MBNL1: variants seen among roughly 807,000 people sequenced by gnomAD.
MBNL1 encodes the protein muscleblind like splicing regulator 1.
A neutral mutation model predicts 42.2 loss-of-function variants in MBNL1; 8 were observed. That is an observed-to-expected ratio of 0.19 (90% CI 0.11 to 0.34). The LOEUF is 0.34. Among genes scored for constraint, MBNL1 ranks in the 10% least tolerant of loss-of-function variants. The probability of loss-of-function intolerance (pLI) is 1.00; values close to 1 mark genes in which losing one functional copy is unlikely to be tolerated. For synonymous variants in MBNL1, 169 were observed against 173.9 expected (o/e 0.97, Z 0.22); for missense variants, 309 against 495.3 (o/e 0.62, Z 3.57).
chr3:152,359,449 T>C (rs747988215), intron 2 of MBNL1, among the ~76,000 whole-genome samples: 5 of 152,246 alleles, frequency 3.3e-5, no homozygotes, highest in East Asian at 1.9e-4. Flanking sequence ...CCTGCTCTTA[T>C]GGGGGTGGGG....
At chr3:152,433,358 C>T (rs1026437201) in intron 4 of MBNL1, among the ~76,000 whole-genome samples, 3 of 152,138 alleles carry the variant, frequency 2.0e-5, no homozygotes, top group Non-Finnish European at 4.4e-5. Flanking sequence ...ATATTAGTGT[C>T]TATAAAACAT....
intron 2 of MBNL1, chr3:152,339,613 A>G (rs924087528): frequency 2.6e-5 from 4 of 151,972 alleles, no homozygotes; most frequent in Non-Finnish European, 4.4e-5. Flanking sequence ...TTTCTTTTCA[A>G]TATTAACTTA....
intron 2 of MBNL1, among the ~76,000 whole-genome samples, chr3:152,394,903 G>GAGTGGAGCGC (rs1339401900): frequency 6.6e-6 from 1 of 152,098 alleles, no homozygotes; most frequent in Non-Finnish European, 1.5e-5. Context: ...TCTATTGCCA[G>GAGTGGAGCGC]AGTGGAGCGC....
intron 2 of MBNL1, among the ~76,000 whole-genome samples, chr3:152,309,491 C>T (rs925329512): frequency 7.2e-5 from 11 of 152,182 alleles, no homozygotes; most frequent in South Asian, 6.2e-4. Flanking sequence ...AGACCTAGTG[C>T]GTAGGCTTCT....
intron 2 of MBNL1, among the ~76,000 whole-genome samples, chr3:152,312,133 A>G (rs1250025489): frequency 6.8e-6 from 1 of 147,900 alleles, no homozygotes; most frequent in African/African-American, 2.5e-5. Context: ...CGGAGCTTGC[A>G]GTGAGCCGAG....
intron 2 of MBNL1, among the ~76,000 whole-genome samples, chr3:152,316,235 A>G (rs1308558277): frequency 1.3e-5 from 2 of 152,220 alleles, no homozygotes; most frequent in South Asian, 2.1e-4. Flanking sequence ...TAAAAAATGC[A>G]CGTTAAACCT....
chr3:152,439,466 G>A (rs892157334), intron 4 of MBNL1, among the ~76,000 whole-genome samples: 1 of 152,160 alleles, frequency 6.6e-6, no homozygotes, highest in Non-Finnish European at 1.5e-5. Flanking sequence ...TGTAGAGGAT[G>A]TTTGGCTACT....
chr3:152,258,429 T>C (rs936405943), intron 2 of MBNL1, among the ~76,000 whole-genome samples: 5 of 152,218 alleles, frequency 3.3e-5, no homozygotes, highest in Admixed American at 2.0e-4. Context: ...GCCAAGGCCA[T>C]GGGAAATTAC....
At chr3:152,430,332 A>G (rs1293009668) in intron 3 of MBNL1, among the ~76,000 whole-genome samples, 3 of 152,240 alleles carry the variant, frequency 2.0e-5, no homozygotes, top group African/African-American at 7.2e-5. Flanking sequence ...GCAATAATAT[A>G]AACATCTCAA....
At chr3:152,276,072 A>C (rs1375919263) in intron 1 of MBNL1, among the ~76,000 whole-genome samples, 1 of 152,224 alleles carries the variant, frequency 6.6e-6, no homozygotes, top group Non-Finnish European at 1.5e-5. Flanking sequence ...GTAGCCGTAA[A>C]GTAATAAGAC....
chr3:152,317,681 A>G (rs905375795), intron 2 of MBNL1, among the ~76,000 whole-genome samples: 5 of 152,084 alleles, frequency 3.3e-5, no homozygotes, highest in African/African-American at 1.2e-4. Context: ...AGTAAGTCTA[A>G]TATCTTCTCT....
intron 2 of MBNL1, among the ~76,000 whole-genome samples, chr3:152,347,266 T>C (rs2094407786): frequency 6.6e-6 from 1 of 151,958 alleles, no homozygotes; most frequent in African/African-American, 2.4e-5. Context: ...TTGTGTTCAT[T>C]AGAGAACCAA....
intron 4 of MBNL1, among the ~76,000 whole-genome samples, chr3:152,440,200 G>A (rs1356914275): frequency 6.6e-6 from 1 of 152,202 alleles, no homozygotes; most frequent in Non-Finnish European, 1.5e-5. Flanking sequence ...CTATGAGGTA[G>A]CTAAAGTAGG....
chr3:152,435,271 T>C (rs904941615), intron 4 of MBNL1, among the ~76,000 whole-genome samples: 2 of 152,208 alleles, frequency 1.3e-5, no homozygotes, highest in South Asian at 2.1e-4. Context: ...TAGCCAGTTA[T>C]CCTAGCACCA....
intron 1 of MBNL1, among the ~76,000 whole-genome samples, chr3:152,278,192 C>A (rs1227831023): frequency 6.6e-6 from 1 of 152,036 alleles, no homozygotes; most frequent in African/African-American, 2.4e-5. Context: ...TTTAACTAGA[C>A]AAATTTATTC....
intron 3 of MBNL1, among the ~76,000 whole-genome samples, chr3:152,423,773 T>A (rs2098844887): frequency 6.6e-6 from 1 of 152,320 alleles, no homozygotes; most frequent in South Asian, 2.1e-4. Context: ...CAAGGCTGGT[T>A]CAGCATATGG....
At chr3:152,334,270 GAAT>G (rs776198801) in intron 2 of MBNL1, among the ~76,000 whole-genome samples, 5 of 152,132 alleles carry the variant, frequency 3.3e-5, no homozygotes, top group Non-Finnish European at 5.9e-5. Context: ...ATTAGGAAAA[GAAT>G]AACCTGTTAT....
intron 2 of MBNL1, among the ~76,000 whole-genome samples, chr3:152,305,882 C>T (rs1053628941): frequency 3.3e-5 from 5 of 152,210 alleles, no homozygotes; most frequent in African/African-American, 1.2e-4. Flanking sequence ...CTACCTACAG[C>T]ATCATCCCTA....
rs2030532 is a variant in MBNL1, at chr3:152,450,791, T to C, written c.961+3018T>C. Among the ~76,000 whole-genome samples, 791 of 152,350 alleles carry C rather than the reference T, an allele frequency of 5.2e-3. 25 individuals carry two copies. Among genetic ancestry groups the C allele is most frequent in the Admixed American group, 0.047 (714 of 15,300 alleles). On this transcript the variant is annotated intron_variant, in intron 6 of 9. Coordinates refer to ENST00000324210, the MANE Select transcript of MBNL1 (RefSeq NM_021038.5). The stretch of plus-strand genomic sequence containing the variant: ...AGTGTTGCTAGGTCTTATGGTCTTA[T>C]GATTTTTTCCCAGATACTCTAGACA...
Sources: gnomAD v4.1 joint callset for allele counts (sites outside exome capture counted in the v4.1 genomes callset) on GRCh38, gnomAD v4.1.1 for gene constraint, MANE v1.5 for transcripts, NCBI Gene and HGNC (gene_info 2026-07-23, HGNC 2026-07-21) for gene names.